The following SMAD3 variants were observed in gnomAD, a reference collection of about 807,000 sequenced individuals.
SMAD3 encodes SMAD family member 3, also known as MAD homolog 3.
Under a neutral mutation model 51.8 loss-of-function variants are expected in SMAD3, and 12 were observed. The ratio of observed to expected loss-of-function variants is 0.23; its 90% CI spans 0.15 to 0.38. The LOEUF is 0.38. SMAD3 is among the 10% of genes least tolerant of loss of function. The pLI is 1.00. For synonymous variants in SMAD3, 238 were observed against 227.7 expected, an observed-to-expected ratio of 1.05 and a Z score of -0.41; for missense variants, 294 against 565.6, an observed-to-expected ratio of 0.52 and a Z score of 4.87.
At chr15:67,156,901 C>T (rs1962297499) in intron 1 of SMAD3, among the ~76,000 whole-genome samples, 1 of 152,370 alleles carries the variant, frequency 6.6e-6, no homozygotes, top group South Asian at 2.1e-4. Flanking sequence ...CTTCTGCTCA[C>T]ATTCCACTGG....
At position 67,096,829 on chromosome 15, in the gene SMAD3, T is replaced by C. The variant is rs1045599652; in HGVS notation, c.206+30469T>C. The stretch of plus-strand genomic sequence containing the variant: ...GGTTGCGGAGCTAAGAAGCATCATA[T>C]AGGCAAGTGAGCATGTGTGCTTGCT... On this transcript the variant is annotated intron_variant, in intron 1 of 8. Coordinates refer to ENST00000327367, the MANE Select transcript of SMAD3 (RefSeq NM_005902.4). Among the ~76,000 whole-genome samples the C allele has an allele frequency of 4.6e-5, 7 of 152,188 alleles. No individual in the cohort carries two copies. In the East Asian group the frequency reaches 1.2e-3, roughly 25 times the overall value.
intron 4 of SMAD3, among the ~76,000 whole-genome samples, chr15:67,170,316 A>G (rs1416111132): frequency 6.6e-6 from 1 of 152,208 alleles, no homozygotes; most frequent in African/African-American, 2.4e-5. Context: ...CTGAGATCAT[A>G]ATCATAAGAG....
chr15:67,181,789 AT>A (rs10713173), intron 6 of SMAD3, among the ~76,000 whole-genome samples: 100,280 of 137,802 alleles, frequency 0.73, 36,087 homozygotes, highest in Middle Eastern at 0.82. Context: ...TATGAAATCT[AT>A]TTTTTTTTTT....
At chr15:67,089,981 C>T (rs932878711) in intron 1 of SMAD3, among the ~76,000 whole-genome samples, 1 of 152,200 alleles carries the variant, frequency 6.6e-6, no homozygotes, top group Non-Finnish European at 1.5e-5. Flanking sequence ...CTGCCCTCAC[C>T]TCTGAAGCCA....
intron 5 of SMAD3, among the ~76,000 whole-genome samples, chr15:67,176,168 C>T (rs1452283899): frequency 1.3e-5 from 2 of 152,138 alleles, no homozygotes; most frequent in Non-Finnish European, 2.9e-5. Context: ...CTCACAGAGA[C>T]CTCATCCTCT....
chr15:67,185,787 A>G (rs7166015), intron 7 of SMAD3, among the ~76,000 whole-genome samples: 3,391 of 152,302 alleles, frequency 0.022, 124 homozygotes, highest in African/African-American at 0.075. Flanking sequence ...GCCAAAGTCC[A>G]CTTTTCACAG....
At chr15:67,146,039 T>C (rs1215079216) in intron 1 of SMAD3, 3 of 152,208 alleles carry the variant, frequency 2.0e-5, no homozygotes, top group African/African-American at 7.2e-5. Context: ...TATTTAAATA[T>C]AGAGTGCTTA....
In SMAD3 at chr15:67,182,619, G is replaced by T. The variant is rs59850822; in HGVS notation, c.871+1166G>T. 3.9e-5 allele frequency among the ~76,000 whole-genome samples: 6 copies of T among 152,112 alleles called. No homozygotes were observed. The East Asian group carries it at 1.2e-3, about 30-fold the overall frequency. On this transcript the variant is annotated intron_variant, in intron 6 of 8. Transcript: ENST00000327367. ...AAGAGAGGATTGATTCTGTAGTGAA[G>T]AGAAGAAAAGTTTGGAGGCCATGGG...
chr15:67,098,531 C>T (rs1960670040), intron 1 of SMAD3: 1 of 324,658 alleles, frequency 3.1e-6, no homozygotes, highest in African/African-American at 2.0e-5. Flanking sequence ...TTCTTACTGC[C>T]CCTGCCTCCT....
chr15:67,079,195 C>G (rs940503271), intron 1 of SMAD3, among the ~76,000 whole-genome samples: 1 of 152,036 alleles, frequency 6.6e-6, no homozygotes, highest in East Asian at 1.9e-4. Context: ...TCAGGCTGGT[C>G]TCGAACTCCC....
chr15:67,176,657 C>G (rs36123155), intron 5 of SMAD3, among the ~76,000 whole-genome samples: 2 of 152,196 alleles, frequency 1.3e-5, no homozygotes, highest in Non-Finnish European at 2.9e-5. Flanking sequence ...CATAATGGAA[C>G]GTCTGTGCCA....
intron 1 of SMAD3, among the ~76,000 whole-genome samples, chr15:67,145,444 CA>C (rs890716700): frequency 4.6e-5 from 7 of 152,242 alleles, no homozygotes; most frequent in African/African-American, 1.4e-4. Flanking sequence ...AAAACAAAAA[CA>C]AAAAACAGAA....
intron 1 of SMAD3, among the ~76,000 whole-genome samples, chr15:67,158,942 T>C (rs1283372186): frequency 2.0e-5 from 3 of 152,246 alleles, no homozygotes; most frequent in Non-Finnish European, 4.4e-5. Flanking sequence ...CCTGCCACTT[T>C]CTGGAATATC....
In SMAD3 at chr15:67,194,871, C is replaced by G. The variant is rs75971163; in HGVS notation, c.*4335C>G. 1.3e-3 allele frequency: 303 copies of G among 233,446 alleles called. No homozygotes were observed. The highest frequency in any genetic ancestry group is 6.1e-3 in the African/African-American group (275 of 45,436). 14.5% of individuals were successfully genotyped at this position (233,446 alleles called of 1,614,324 possible). A position where few individuals can be genotyped will look rare whatever the true frequency, so the allele number is the denominator to read the frequency against. ...GAGATGGAGCCATCTATCCAAGAAG[C>G]CTTCACTCACCTTCACTGCTGCTGT... On this transcript the variant is annotated 3_prime_UTR_variant, in exon 9 of 9. Transcript: ENST00000327367.
At chr15:67,103,082 G>A (rs1300336244) in intron 1 of SMAD3, among the ~76,000 whole-genome samples, 1 of 152,012 alleles carries the variant, frequency 6.6e-6, no homozygotes, top group Non-Finnish European at 1.5e-5. Context: ...CATTAATTTG[G>A]CTCTTTTCTG....
intron 4 of SMAD3, among the ~76,000 whole-genome samples, chr15:67,167,817 G>A (rs767323163): frequency 6.6e-6 from 1 of 152,202 alleles, no homozygotes; most frequent in Non-Finnish European, 1.5e-5. Flanking sequence ...GTGTGTGGTT[G>A]GGAGAGGAGG....
intron 1 of SMAD3, among the ~76,000 whole-genome samples, chr15:67,123,769 T>C (rs1961322696): frequency 6.6e-6 from 1 of 152,202 alleles, no homozygotes; most frequent in African/African-American, 2.4e-5. Flanking sequence ...ACCCTTTGCC[T>C]TCTTTTTAGG....
intron 1 of SMAD3, among the ~76,000 whole-genome samples, chr15:67,119,650 G>A (rs1961214912): frequency 6.6e-6 from 1 of 152,216 alleles, no homozygotes; most frequent in Admixed American, 6.5e-5. Context: ...TCGGGAATGG[G>A]AAAAATGAAT....
intron 5 of SMAD3, among the ~76,000 whole-genome samples, chr15:67,174,838 T>G (rs139373565): frequency 5.3e-5 from 8 of 152,322 alleles, no homozygotes; most frequent in Non-Finnish European, 1.2e-4. Flanking sequence ...TCCTTTCATT[T>G]CCTCCCCACT....
Sources: gnomAD v4.1 joint callset for allele counts (sites outside exome capture counted in the v4.1 genomes callset) on GRCh38, gnomAD v4.1.1 for gene constraint, MANE v1.5 for transcripts, NCBI Gene and HGNC (gene_info 2026-07-23, HGNC 2026-07-21) for gene names.